Variants in TSHR observed in about 807,000 individuals in gnomAD.
TSHR encodes the protein thyroid stimulating hormone receptor, also known as thyrotropin receptor.
In TSHR, 51 loss-of-function variants were observed where a neutral mutation model predicts 64.1. The observed-to-expected ratio is 0.80, with a 90% CI of 0.64 to 1.01. The LOEUF is 1.01. Among genes scored for constraint, TSHR ranks in the 50% least tolerant of loss-of-function variants. The pLI is 0.00. For missense variants in TSHR, 877 were observed against 942.8 expected (o/e 0.93, Z 0.91); for synonymous variants, 361 against 361.9 (o/e 1.00, Z 0.03).
At chr14:80,959,417 A>G (rs1886901552) in intron 1 of TSHR, 1 of 152,242 alleles carries the variant, frequency 6.6e-6, no homozygotes, top group Non-Finnish European at 1.5e-5. Flanking sequence ...AGATTGACCC[A>G]TCACCCTCTC....
At chr14:81,101,275 C>T (rs1274693652) in intron 7 of TSHR, among the ~76,000 whole-genome samples, 1 of 152,086 alleles carries the variant, frequency 6.6e-6, no homozygotes, top group Non-Finnish European at 1.5e-5. Context: ...ATTCTAAGAA[C>T]TAGTAAAGAT....
chr14:81,073,017 A>AAAAAAAAAAAAAATAT (rs1555376957), intron 3 of TSHR, among the ~76,000 whole-genome samples: 1 of 91,214 alleles, frequency 1.1e-5, no homozygotes, highest in African/African-American at 4.5e-5. Flanking sequence ...AAAAATAAAA[A>AAAAAAAAAAAAAATAT]ATAAATATAT....
At chr14:80,996,992 A>G (rs1889056264) in intron 1 of TSHR, among the ~76,000 whole-genome samples, 2 of 152,138 alleles carry the variant, frequency 1.3e-5, no homozygotes, top group Admixed American at 6.6e-5. Flanking sequence ...TGTTATTATT[A>G]CTACTACTAC....
At chr14:81,040,265 G>A (rs529397391) in intron 1 of TSHR, among the ~76,000 whole-genome samples, 2 of 151,924 alleles carry the variant, frequency 1.3e-5, no homozygotes, top group Admixed American at 1.3e-4. Flanking sequence ...ATATCCACAA[G>A]CAGAAGAATG....
chr14:81,109,384 G>A (rs1466914034), intron 8 of TSHR, among the ~76,000 whole-genome samples: 1 of 152,006 alleles, frequency 6.6e-6, no homozygotes, highest in African/African-American at 2.4e-5. Context: ...ACTCCAGCCT[G>A]GACGACAGAG....
intron 2 of TSHR, among the ~76,000 whole-genome samples, chr14:81,063,987 G>A (rs776797620): frequency 2.6e-5 from 4 of 152,100 alleles, no homozygotes; most frequent in Admixed American, 6.6e-5. Flanking sequence ...AGGGAGGTGG[G>A]CAGTAGAAAA....
chr14:81,137,959 T>C (rs1891520107), intron 8 of TSHR, among the ~76,000 whole-genome samples: 1 of 152,112 alleles, frequency 6.6e-6, no homozygotes, highest in Non-Finnish European at 1.5e-5. Context: ...AATTGAAAGA[T>C]GGCCACACCT....
chr14:81,113,101 T>G (rs1019880780), intron 8 of TSHR, among the ~76,000 whole-genome samples: 5 of 152,074 alleles, frequency 3.3e-5, no homozygotes, highest in African/African-American at 9.7e-5. Flanking sequence ...AAATAAACTG[T>G]AGGGAACCAA....
intron 1 of TSHR, chr14:80,992,893 G>C (rs1566752879): frequency 2.0e-5 from 3 of 152,112 alleles, no homozygotes; most frequent in Non-Finnish European, 4.4e-5. Context: ...TACTAGCATA[G>C]AATCATGGGA....
chr14:81,035,079 G>T (rs573960826), intron 1 of TSHR, among the ~76,000 whole-genome samples: 100 of 152,272 alleles, frequency 6.6e-4, no homozygotes, highest in Admixed American at 1.2e-3. Context: ...CATCTGCCAA[G>T]TGAATGAAAG....
chr14:81,047,664 C>CT (rs11462189), intron 1 of TSHR, among the ~76,000 whole-genome samples: 73,343 of 135,406 alleles, frequency 0.54, 23,182 homozygotes, highest in Non-Finnish European at 0.71. Flanking sequence ...TTCATTGGCT[C>CT]TTTTTTTTTT....
At chr14:80,999,402 TCCATTCTGTATA>T (rs1209324456) in intron 1 of TSHR, among the ~76,000 whole-genome samples, 1 of 152,200 alleles carries the variant, frequency 6.6e-6, no homozygotes, top group Non-Finnish European at 1.5e-5. Context: ...AGGTTTTTCC[TCCATTCTGTATA>T]CCACATGATC....
intron 1 of TSHR, chr14:80,993,616 T>C (rs1435224159): frequency 6.6e-6 from 1 of 152,100 alleles, no homozygotes; most frequent in African/African-American, 2.4e-5. Flanking sequence ...ACAAAAATAA[T>C]GTAAGGGCAA....
At chr14:81,047,932 C>T (rs1885249044) in intron 1 of TSHR, among the ~76,000 whole-genome samples, 2 of 152,084 alleles carry the variant, frequency 1.3e-5, no homozygotes, top group South Asian at 4.1e-4. Flanking sequence ...AGGTGTGAGC[C>T]ACCGCGCCCG....
At chr14:81,073,632 A>C (rs1887278826) in intron 3 of TSHR, among the ~76,000 whole-genome samples, 1 of 152,218 alleles carries the variant, frequency 6.6e-6, no homozygotes, top group Non-Finnish European at 1.5e-5. Context: ...TAACTAAATG[A>C]TAATAAAAAT....
intron 1 of TSHR, among the ~76,000 whole-genome samples, chr14:81,005,788 A>C (rs1889571035): frequency 6.6e-6 from 1 of 152,348 alleles, no homozygotes; most frequent in African/African-American, 2.4e-5. Flanking sequence ...GGAGGACTGG[A>C]TTAACAGCAG....
chr14:81,142,350 G>T (rs376227560), intron 9 of TSHR, among the ~76,000 whole-genome samples: 17 of 152,146 alleles, frequency 1.1e-4, no homozygotes, highest in African/African-American at 4.1e-4. Context: ...AAAGTGCTGG[G>T]ATTGAGTCAC....
chr14:81,016,301 T>G (rs1269908721), intron 1 of TSHR, among the ~76,000 whole-genome samples: 1 of 152,202 alleles, frequency 6.6e-6, no homozygotes, highest in Non-Finnish European at 1.5e-5. Context: ...GTCTTTGTGT[T>G]GATAACCATC....
In TSHR at chr14:81,141,940, T is replaced by C. The variant is rs1477884659; in HGVS notation, c.882-1000T>C. 2.0e-5 allele frequency among the ~76,000 whole-genome samples: 3 copies of C among 152,128 alleles called. No individual in the cohort carries two copies. In the South Asian group the frequency reaches 6.2e-4, roughly 31 times the overall value. On this transcript the variant is annotated intron_variant, in intron 9 of 9. Transcript: ENST00000298171. Reference sequence around the variant, plus strand: ...ATTGTAAGAGCCTTAAAAAGATAAATTCATTGAATCCTTTAATAACCCTAT... The same window carrying C: ...ATTGTAAGAGCCTTAAAAAGATAAACTCATTGAATCCTTTAATAACCCTAT...
Sources: gnomAD v4.1 joint callset for allele counts (sites outside exome capture counted in the v4.1 genomes callset) on GRCh38, gnomAD v4.1.1 for gene constraint, MANE v1.5 for transcripts, NCBI Gene and HGNC (gene_info 2026-07-23, HGNC 2026-07-21) for gene names.